CTNNA1: variants seen among roughly 807,000 people sequenced by gnomAD.
The protein encoded by CTNNA1 is catenin alpha 1, also known as catenin alpha-1.
In CTNNA1, 37 loss-of-function variants were observed where a neutral mutation model predicts 98.4. The ratio of observed to expected loss-of-function variants is 0.38; its 90% CI spans 0.29 to 0.49. The LOEUF (loss-of-function observed/expected upper bound fraction) is 0.49. Ranked by LOEUF, CTNNA1 falls within the 20% of genes least tolerant of loss-of-function variation. CTNNA1 has a pLI of 0.95. For missense variants in CTNNA1, 761 were observed against 1,147.2 expected (o/e 0.66, Z 4.86); for synonymous variants, 404 against 413.2 (o/e 0.98, Z 0.27).
chr5:138,931,759 C>T, intron 16 of CTNNA1: 14 of 985,524 alleles, frequency 1.4e-5, no homozygotes, highest in Non-Finnish European at 1.7e-5. Flanking sequence ...GATCACATGG[C>T]TCTGCCCTGC....
intron 1 of CTNNA1, among the ~76,000 whole-genome samples, chr5:138,775,481 T>C (rs1477623549): frequency 6.6e-6 from 1 of 152,152 alleles, no homozygotes; most frequent in Non-Finnish European, 1.5e-5. Context: ...ATTAGGCAAA[T>C]GCAGGTTCCT....
At chr5:138,819,351 A>G (rs1026362490) in intron 5 of CTNNA1, among the ~76,000 whole-genome samples, 1 of 152,202 alleles carries the variant, frequency 6.6e-6, no homozygotes, top group Non-Finnish European at 1.5e-5. Context: ...CTACTCTGCA[A>G]GGAGAGGAGT....
intron 1 of CTNNA1, among the ~76,000 whole-genome samples, chr5:138,762,361 G>T (rs999013015): frequency 3.9e-5 from 6 of 152,164 alleles, no homozygotes; most frequent in African/African-American, 1.4e-4. Flanking sequence ...TTGCTCACTT[G>T]TGAGAGCACT....
chr5:138,774,591 TTATTGTGCTGTTGTGCA>T (rs997590639), intron 1 of CTNNA1, among the ~76,000 whole-genome samples: 10 of 152,076 alleles, frequency 6.6e-5, no homozygotes, highest in Non-Finnish European at 1.2e-4. Flanking sequence ...TTGCAATTCA[TTATTGTGCTGTTGTGCA>T]TATTGTGCTG....
chr5:138,924,284 T>TTA (rs1277852118), intron 11 of CTNNA1, among the ~76,000 whole-genome samples: 1 of 136,474 alleles, frequency 7.3e-6, no homozygotes, highest in African/African-American at 2.7e-5. Context: ...TATTTTTTGT[T>TTA]TTTTTTTTTT....
At chr5:138,779,733 T>TTTTA (rs1754837098) in intron 1 of CTNNA1, among the ~76,000 whole-genome samples, 2 of 148,522 alleles carry the variant, frequency 1.3e-5, no homozygotes, top group Admixed American at 6.8e-5. Flanking sequence ...GTTTTTTTTT[T>TTTTA]GAGACAAGAG....
At chr5:138,804,323 A>G (rs1757869534) in intron 3 of CTNNA1, among the ~76,000 whole-genome samples, 1 of 152,006 alleles carries the variant, frequency 6.6e-6, no homozygotes, top group African/African-American at 2.4e-5. Flanking sequence ...ATAACTCAAC[A>G]TACATAAAAT....
chr5:138,933,600 A>AG (rs1765903217), intron 17 of CTNNA1, among the ~76,000 whole-genome samples: 1 of 152,194 alleles, frequency 6.6e-6, no homozygotes. Flanking sequence ...AAAGGGTCTG[A>AG]GGGCAGGCGC....
At chr5:138,899,508 C>A (rs979367902) in intron 9 of CTNNA1, among the ~76,000 whole-genome samples, 2 of 152,166 alleles carry the variant, frequency 1.3e-5, no homozygotes, top group Non-Finnish European at 2.9e-5. Flanking sequence ...CTGAGAAATA[C>A]CCTCTTTCCA....
chr5:138,828,996 C>T (rs1422465721), intron 7 of CTNNA1, among the ~76,000 whole-genome samples: 5 of 152,130 alleles, frequency 3.3e-5, no homozygotes, highest in Non-Finnish European at 5.9e-5. Context: ...TGGTGGCGCA[C>T]GCCTGGTCTC....
chr5:138,889,592 T>C (rs1428497016), intron 9 of CTNNA1, among the ~76,000 whole-genome samples: 1 of 152,150 alleles, frequency 6.6e-6, no homozygotes, highest in Non-Finnish European at 1.5e-5. Context: ...TATTTTATTG[T>C]ATTTCATTTA....
intron 7 of CTNNA1, among the ~76,000 whole-genome samples, chr5:138,844,237 C>T (rs902634398): frequency 6.6e-5 from 10 of 152,096 alleles, no homozygotes; most frequent in African/African-American, 2.4e-4. Flanking sequence ...CTCAAGCGAT[C>T]CACCTGCCTC....
intron 3 of CTNNA1, among the ~76,000 whole-genome samples, chr5:138,803,401 C>T (rs1186235251): frequency 6.6e-6 from 1 of 152,168 alleles, no homozygotes; most frequent in Non-Finnish European, 1.5e-5. Flanking sequence ...AGTGGTCCTC[C>T]TGCCTGGACT....
At position 138,783,056 on chromosome 5, in the gene CTNNA1, G is replaced by A. The variant is rs539554799; in HGVS notation, c.106-121G>A. On this transcript the variant is annotated intron_variant, in intron 2 of 17. Transcript: ENST00000302763. ...ATATCTTAAATATGGGGAATTGTAT[G>A]TTAATGTTCAGTGGAATCTCATGTG... 6 of 714,996 alleles carry A rather than the reference G, an allele frequency of 8.4e-6. No individual in the cohort carries two copies. The East Asian group carries it at 1.4e-4, about 16-fold the overall frequency. 44.3% of individuals were successfully genotyped at this position (714,996 alleles called of 1,614,324 possible). A position where few individuals can be genotyped will look rare whatever the true frequency, so the allele number is the denominator to read the frequency against.
chr5:138,790,427 T>C (rs1240243417), intron 3 of CTNNA1, among the ~76,000 whole-genome samples: 2 of 152,234 alleles, frequency 1.3e-5, no homozygotes, highest in African/African-American at 4.8e-5. Flanking sequence ...ATGTCAAACC[T>C]TATTTTGTGT....
chr5:138,825,243 C>T (rs1168000224), intron 6 of CTNNA1, among the ~76,000 whole-genome samples: 2 of 152,168 alleles, frequency 1.3e-5, no homozygotes, highest in Non-Finnish European at 2.9e-5. Context: ...TCTTTCTTGT[C>T]TGCCTAGATA....
chr5:138,794,559 C>T (rs988280327), intron 3 of CTNNA1, among the ~76,000 whole-genome samples: 2 of 152,096 alleles, frequency 1.3e-5, no homozygotes, highest in Non-Finnish European at 2.9e-5. Flanking sequence ...TCATAGGGCA[C>T]GTGGGTTATG....
intron 7 of CTNNA1, among the ~76,000 whole-genome samples, chr5:138,861,781 C>T (rs1764306398): frequency 6.6e-6 from 1 of 152,144 alleles, no homozygotes; most frequent in Non-Finnish European, 1.5e-5. Flanking sequence ...GTACAAAGAG[C>T]AAAGAGAAGC....
chr5:138,904,728 G>GCTGC, intron 10 of CTNNA1: 1 of 291,326 alleles, frequency 3.4e-6, no homozygotes, highest in South Asian at 8.8e-5. Context: ...ATCCCAAAGT[G>GCTGC]GATGGGTCAG....
Sources: gnomAD v4.1 joint callset for allele counts (sites outside exome capture counted in the v4.1 genomes callset) on GRCh38, gnomAD v4.1.1 for gene constraint, MANE v1.5 for transcripts, NCBI Gene and HGNC (gene_info 2026-07-23, HGNC 2026-07-21) for gene names.